The following RBMS3 variants were observed in gnomAD, a reference collection of about 807,000 sequenced individuals.
RBMS3 encodes RNA-binding motif, single-stranded-interacting protein 3.
A neutral mutation model predicts 66.8 loss-of-function variants in RBMS3; 27 were observed. The observed-to-expected ratio is 0.40, with a 90% CI of 0.30 to 0.56. The LOEUF is 0.56. Among genes scored for constraint, RBMS3 ranks in the 20% least tolerant of loss-of-function variants. The pLI, the probability that RBMS3 is intolerant of heterozygous loss-of-function variation, is 0.40. For missense variants in RBMS3, 513 were observed against 549.5 expected, an observed-to-expected ratio of 0.93 and a Z score of 0.66; for synonymous variants, 188 against 183.0, an observed-to-expected ratio of 1.03 and a Z score of -0.22.
chr3:29,846,704 G>T (rs1240748295), intron 6 of RBMS3, among the ~76,000 whole-genome samples: 1 of 152,074 alleles, frequency 6.6e-6, no homozygotes, highest in Non-Finnish European at 1.5e-5. Context: ...AAAAAAATGT[G>T]ATAGAATTTA....
At chr3:29,595,616 C>G (rs148549636) in intron 4 of RBMS3, among the ~76,000 whole-genome samples, 1 of 152,074 alleles carries the variant, frequency 6.6e-6, no homozygotes, top group Non-Finnish European at 1.5e-5. Context: ...TCTCTAAACA[C>G]CATTGTTGTC....
chr3:29,579,186 G>T (rs181128202), intron 3 of RBMS3, among the ~76,000 whole-genome samples: 176 of 152,238 alleles, frequency 1.2e-3, no homozygotes, highest in Non-Finnish European at 1.9e-3. Flanking sequence ...TATCTTTCCG[G>T]GTTGTTGCCC....
chr3:29,374,299 A>T (rs953386560), intron 1 of RBMS3, among the ~76,000 whole-genome samples: 6 of 152,216 alleles, frequency 3.9e-5, no homozygotes, highest in Admixed American at 2.0e-4. Context: ...CTGGTTTGCT[A>T]CAGGTAGCTC....
intron 3 of RBMS3, among the ~76,000 whole-genome samples, chr3:29,574,904 G>C (rs774793152): frequency 1.3e-5 from 2 of 150,894 alleles, no homozygotes; most frequent in Non-Finnish European, 3.0e-5. Flanking sequence ...TTCATCCCCT[G>C]CTTTTTAACT....
intron 3 of RBMS3, among the ~76,000 whole-genome samples, chr3:29,571,125 C>G (rs1167238522): frequency 6.6e-6 from 1 of 150,596 alleles, no homozygotes; most frequent in South Asian, 2.1e-4. Context: ...TTGTATGTCA[C>G]CCTTGAAAAA....
intron 3 of RBMS3, 143 bp downstream of exon 3, chr3:29,488,642 A>G (rs970534516): frequency 1.4e-5 from 8 of 589,370 alleles, no homozygotes; most frequent in Non-Finnish European, 1.9e-5. Context: ...CAATGTTTTG[A>G]TAAGTTGTAT....
At position 30,005,523 on chromosome 3, in the gene RBMS3, C is replaced by T. The variant is rs1699783195; in HGVS notation, c.*1661C>T. ...TTTGTCAAAAAAGCTTAGGGATATT[C>T]TGTGAAATGGTGAGTGGTCTCCTGG... On this transcript the variant is annotated 3_prime_UTR_variant, in exon 15 of 15. Coordinates refer to ENST00000383767, the MANE Select transcript of RBMS3 (RefSeq NM_001003793.3). 1 of 151,894 alleles carries T rather than the reference C, an allele frequency of 6.6e-6. No homozygotes were observed. Among genetic ancestry groups the T allele is most frequent in the Admixed American group, 6.6e-5 (1 of 15,228 alleles). 9.4% of individuals were successfully genotyped at this position (151,894 alleles called of 1,614,324 possible).
At chr3:29,797,617 C>A (rs1345398442) in intron 6 of RBMS3, 2 of 152,200 alleles carry the variant, frequency 1.3e-5, no homozygotes, top group African/African-American at 4.8e-5. Flanking sequence ...CGACTTTTGA[C>A]ATGCCTTCCA....
At chr3:29,404,017 AT>A (rs1387078220) in intron 1 of RBMS3, among the ~76,000 whole-genome samples, 2 of 152,128 alleles carry the variant, frequency 1.3e-5, no homozygotes, top group Admixed American at 6.5e-5. Context: ...GAACATGAAT[AT>A]TCTGTACAGA....
chr3:29,401,335 A>G (rs1364115243), intron 1 of RBMS3, among the ~76,000 whole-genome samples: 1 of 152,088 alleles, frequency 6.6e-6, no homozygotes, highest in Non-Finnish European at 1.5e-5. Context: ...AATACAGTGA[A>G]GTTATAAACT....
At chr3:29,310,831 G>A (rs1028684472) in intron 1 of RBMS3, among the ~76,000 whole-genome samples, 3 of 151,680 alleles carry the variant, frequency 2.0e-5, no homozygotes, top group Admixed American at 6.6e-5. Flanking sequence ...CCTGTTTATG[G>A]CTCTGACGTT....
chr3:29,523,248 C>T (rs747440015), intron 3 of RBMS3, among the ~76,000 whole-genome samples: 70 of 152,264 alleles, frequency 4.6e-4, no homozygotes, highest in Non-Finnish European at 8.2e-4. Context: ...TCACTGAGCA[C>T]CCAGTAGTGG....
At chr3:29,921,949 T>C (rs1006471011) in intron 10 of RBMS3, among the ~76,000 whole-genome samples, 5 of 152,104 alleles carry the variant, frequency 3.3e-5, no homozygotes, top group African/African-American at 4.8e-5. Context: ...GTCCCTTAAC[T>C]TACAGTGGGA....
chr3:29,338,646 A>G (rs1401699113), intron 1 of RBMS3, among the ~76,000 whole-genome samples: 1 of 147,898 alleles, frequency 6.8e-6, no homozygotes, highest in Non-Finnish European at 1.5e-5. Flanking sequence ...GGTCTAGATT[A>G]TGCTGTCTAG....
intron 3 of RBMS3, chr3:29,556,235 G>A (rs944360265): frequency 2.0e-5 from 3 of 152,172 alleles, no homozygotes; most frequent in South Asian, 2.1e-4. Flanking sequence ...GGTCAAGGCA[G>A]GAGTTAACTA....
At chr3:29,420,073 G>T (rs571582671) in intron 1 of RBMS3, among the ~76,000 whole-genome samples, 232 of 152,282 alleles carry the variant, frequency 1.5e-3, no homozygotes, top group Non-Finnish European at 2.5e-3. Context: ...CTGAGCATTT[G>T]TAAAGCAAGA....
At chr3:29,603,601 C>T (rs2048221664) in intron 4 of RBMS3, among the ~76,000 whole-genome samples, 1 of 151,964 alleles carries the variant, frequency 6.6e-6, no homozygotes, top group African/African-American at 2.4e-5. Flanking sequence ...AGTTCAGCTA[C>T]CTCCCTCTTT....
intron 4 of RBMS3, among the ~76,000 whole-genome samples, chr3:29,688,084 T>C (rs1053778455): frequency 1.3e-5 from 2 of 152,130 alleles, no homozygotes; most frequent in African/African-American, 4.8e-5. Flanking sequence ...CAATTGCAAA[T>C]TGCTTTTCCC....
chr3:29,676,499 A>G (rs1216857379), intron 4 of RBMS3, among the ~76,000 whole-genome samples: 2 of 152,228 alleles, frequency 1.3e-5, no homozygotes, highest in Non-Finnish European at 2.9e-5. Context: ...TTCCAAATTC[A>G]ATTATTCATA....
Sources: allele counts gnomAD v4.1 joint callset (sites outside exome capture counted in the v4.1 genomes callset), GRCh38; gene constraint gnomAD v4.1.1; transcripts MANE v1.5; gene names NCBI Gene and HGNC (gene_info 2026-07-23, HGNC 2026-07-21).